EPHA6: variants seen among roughly 807,000 people sequenced by gnomAD.
EPHA6 encodes the protein ephrin type-A receptor 6.
A neutral mutation model predicts 112.0 loss-of-function variants in EPHA6; 50 were observed. The observed-to-expected ratio is 0.45, with a 90% confidence interval of 0.36 to 0.56. EPHA6 has a LOEUF of 0.56. EPHA6 is among the 20% of genes least tolerant of loss of function. EPHA6 has a pLI of 0.00. For missense variants in EPHA6, 1,280 were observed against 1,417.4 expected, an observed-to-expected ratio of 0.90 and a Z score of 1.56; for synonymous variants, 529 against 490.7, an observed-to-expected ratio of 1.08 and a Z score of -1.03.
At chr3:97,292,142 G>C (rs533041749) in intron 5 of EPHA6, among the ~76,000 whole-genome samples, 6 of 152,354 alleles carry the variant, frequency 3.9e-5, no homozygotes, top group Admixed American at 6.5e-5. Flanking sequence ...AGCGGCTTCC[G>C]CTGCGGGCAC....
chr3:97,646,413 A>G (rs908634291), intron 14 of EPHA6: 32 of 840,526 alleles, frequency 3.8e-5, no homozygotes, highest in Middle Eastern at 5.1e-4. Flanking sequence ...AATGAGATTT[A>G]CACCTAAATA....
At chr3:97,046,787 G>A (rs907741065) in intron 3 of EPHA6, among the ~76,000 whole-genome samples, 1 of 152,022 alleles carries the variant, frequency 6.6e-6, no homozygotes, top group Admixed American at 6.6e-5. Context: ...AGGGGCCTAG[G>A]AAAAATGTCC....
chr3:97,665,961 G>C (rs1560246617), intron 14 of EPHA6, among the ~76,000 whole-genome samples: 1 of 151,932 alleles, frequency 6.6e-6, no homozygotes, highest in Admixed American at 6.6e-5. Flanking sequence ...GGAGGCTGAG[G>C]CAGCAGAATC....
At chr3:97,155,848 A>G (rs960582230) in intron 3 of EPHA6, among the ~76,000 whole-genome samples, 1 of 152,110 alleles carries the variant, frequency 6.6e-6, no homozygotes, top group Non-Finnish European at 1.5e-5. Flanking sequence ...GAGTTTCTCA[A>G]CTGCCCCTGC....
At chr3:97,129,860 T>C (rs988839987) in intron 3 of EPHA6, among the ~76,000 whole-genome samples, 3 of 152,070 alleles carry the variant, frequency 2.0e-5, no homozygotes, top group African/African-American at 7.2e-5. Flanking sequence ...ACCTGAGAGA[T>C]AGTGAGAGAT....
chr3:97,194,507 T>C (rs1171032678), intron 3 of EPHA6, among the ~76,000 whole-genome samples: 21 of 152,078 alleles, frequency 1.4e-4, no homozygotes, highest in Admixed American at 1.4e-3. Context: ...TCCTTGAGAA[T>C]GATCTATGTG....
At chr3:96,847,052 G>A (rs143505351) in intron 1 of EPHA6, among the ~76,000 whole-genome samples, 5 of 152,130 alleles carry the variant, frequency 3.3e-5, no homozygotes, top group South Asian at 4.1e-4. Context: ...CAGCCTTGGC[G>A]CCTGTCCATC....
intron 14 of EPHA6, among the ~76,000 whole-genome samples, chr3:97,651,480 ATAATATTT>A (rs1576205423): frequency 2.0e-5 from 3 of 152,110 alleles, no homozygotes; most frequent in Admixed American, 6.6e-5. Flanking sequence ...CACAGAATAC[ATAATATTT>A]TAATATTTAT....
intron 3 of EPHA6, among the ~76,000 whole-genome samples, chr3:97,202,830 A>G (rs2077613483): frequency 6.6e-6 from 1 of 152,180 alleles, no homozygotes; most frequent in African/African-American, 2.4e-5. Flanking sequence ...GCTCTTGAGA[A>G]TAGCAGTAAA....
chr3:97,267,873 A>C lies in EPHA6; in HGVS notation c.1606+23586A>C, dbSNP rs77380896. Among the ~76,000 whole-genome samples, 1,253 of 152,282 alleles carry C rather than the reference A, an allele frequency of 8.2e-3. 26 individuals carry two copies. The highest frequency in any genetic ancestry group is 0.054 in the East Asian group (279 of 5,182). The stretch of plus-strand genomic sequence containing the variant: ...GAATTATGACTGAAAATGCATGACG[A>C]GATAAAGATGAGTAACCTTCTACCA... On this transcript the variant is annotated intron_variant, in intron 5 of 17. Coordinates refer to ENST00000389672, the MANE Select transcript of EPHA6 (RefSeq NM_001080448.3).
intron 11 of EPHA6, among the ~76,000 whole-genome samples, chr3:97,563,712 T>C (rs2093223789): frequency 6.6e-6 from 1 of 152,186 alleles, no homozygotes; most frequent in Admixed American, 6.5e-5. Context: ...AAACTTACAG[T>C]GAATGGAGTA....
chr3:97,272,532 G>C (rs2079921469), intron 5 of EPHA6, among the ~76,000 whole-genome samples: 1 of 152,142 alleles, frequency 6.6e-6, no homozygotes, highest in Non-Finnish European at 1.5e-5. Flanking sequence ...TATTTCACCT[G>C]GGTGCAGGCG....
chr3:97,159,317 A>G (rs2076360183), intron 3 of EPHA6, among the ~76,000 whole-genome samples: 3 of 152,148 alleles, frequency 2.0e-5, no homozygotes, highest in South Asian at 2.1e-4. Flanking sequence ...TGAGAAGCAC[A>G]AAGTGGCCAG....
intron 6 of EPHA6, among the ~76,000 whole-genome samples, chr3:97,434,836 G>A (rs1274392944): frequency 6.6e-6 from 1 of 151,936 alleles, no homozygotes; most frequent in Non-Finnish European, 1.5e-5. Flanking sequence ...GAATGGCTAG[G>A]CATCATCTCA....
intron 2 of EPHA6, among the ~76,000 whole-genome samples, chr3:96,924,071 A>G (rs1160335731): frequency 4.6e-5 from 7 of 152,120 alleles, no homozygotes; most frequent in African/African-American, 1.2e-4. Flanking sequence ...TTGAAGCCAG[A>G]TAGTGTGATA....
intron 11 of EPHA6, among the ~76,000 whole-genome samples, chr3:97,542,058 G>C (rs1437085886): frequency 6.6e-6 from 1 of 151,448 alleles, no homozygotes; most frequent in Non-Finnish European, 1.5e-5. Flanking sequence ...ATGTAGACTG[G>C]GAGGCTAGGC....
chr3:97,527,763 G>A (rs1321707335), intron 10 of EPHA6, among the ~76,000 whole-genome samples: 2 of 152,148 alleles, frequency 1.3e-5, no homozygotes, highest in South Asian at 4.1e-4. Flanking sequence ...ATACTCAGGA[G>A]GATGTGATTG....
chr3:97,694,339 C>T (rs2032877582), intron 14 of EPHA6, among the ~76,000 whole-genome samples: 1 of 151,938 alleles, frequency 6.6e-6, no homozygotes, highest in South Asian at 2.1e-4. Context: ...CAGGTTCCAG[C>T]AATTCTCCTG....
chr3:97,038,472 G>A (rs972239530), intron 3 of EPHA6, among the ~76,000 whole-genome samples: 4 of 152,050 alleles, frequency 2.6e-5, no homozygotes, highest in Non-Finnish European at 4.4e-5. Context: ...TCCATGTTGC[G>A]GCAAATGACA....
Sources: allele counts gnomAD v4.1 joint callset (sites outside exome capture counted in the v4.1 genomes callset), GRCh38; gene constraint gnomAD v4.1.1; transcripts MANE v1.5; gene names NCBI Gene and HGNC (gene_info 2026-07-23, HGNC 2026-07-21).